Variants in PUM1 observed in about 807,000 individuals in gnomAD.
PUM1 encodes the protein pumilio homolog 1.
In PUM1, 13 loss-of-function variants were observed where a neutral mutation model predicts 131.8. The observed-to-expected ratio is 0.10, with a 90% CI of 0.06 to 0.16. The LOEUF is 0.16. PUM1 is among the 10% of genes least tolerant of loss of function. PUM1 has a pLI of 1.00. For missense variants in PUM1, 961 were observed against 1,512.4 expected (o/e 0.64, Z 6.05); for synonymous variants, 509 against 556.5 (o/e 0.91, Z 1.20).
At chr1:30,939,276 T>C (rs556758770) in intron 20 of PUM1, among the ~76,000 whole-genome samples, 1 of 152,226 alleles carries the variant, frequency 6.6e-6, no homozygotes, top group Non-Finnish European at 1.5e-5. Flanking sequence ...ATAGTCAAAC[T>C]ACAAACTTCT....
chr1:31,047,595 A>T (rs1019289575), intron 2 of PUM1, among the ~76,000 whole-genome samples: 1 of 152,250 alleles, frequency 6.6e-6, no homozygotes, highest in African/African-American at 2.4e-5. Flanking sequence ...ACACATGCAC[A>T]AAAGACATGT....
At chr1:30,982,445 C>G (rs1641391061) in intron 7 of PUM1, among the ~76,000 whole-genome samples, 1 of 152,180 alleles carries the variant, frequency 6.6e-6, no homozygotes, top group South Asian at 2.1e-4. Flanking sequence ...AATGGGCCTC[C>G]TTCCAAGGAG....
intron 1 of PUM1, among the ~76,000 whole-genome samples, chr1:31,060,361 T>C (rs1329201687): frequency 6.6e-6 from 1 of 151,706 alleles, no homozygotes; most frequent in Non-Finnish European, 1.5e-5. Context: ...CTCGGGAGGC[T>C]GAGGCAGGAG....
At chr1:31,018,902 A>G (rs370184658) in intron 3 of PUM1, among the ~76,000 whole-genome samples, 1 of 152,216 alleles carries the variant, frequency 6.6e-6, no homozygotes, top group South Asian at 2.1e-4. Context: ...ATAAAAACAC[A>G]AACAGATCCA....
intron 14 of PUM1, among the ~76,000 whole-genome samples, chr1:30,963,125 C>T (rs561384836): frequency 1.6e-4 from 24 of 152,242 alleles, no homozygotes; most frequent in Non-Finnish European, 2.8e-4. Flanking sequence ...TCCTGAGACA[C>T]GAAATAATAC....
intron 3 of PUM1, among the ~76,000 whole-genome samples, chr1:31,009,788 C>CAAAAACAAAAACAAAAACAGAAACAA (rs1642540359): frequency 1.0e-5 from 1 of 99,704 alleles, no homozygotes; most frequent in African/African-American, 3.4e-5. Flanking sequence ...AAAAAAAAAA[C>CAAAAACAAAAACAAAAACAGAAACAA]AAAAACAGAA....
At position 31,059,639 on chromosome 1, in the gene PUM1, A is replaced by G. The variant is rs1001463037; in HGVS notation, c.-11-62T>C. 1.1e-5 allele frequency: 17 copies of G among 1,501,776 alleles called. No individual in the cohort carries two copies. The African/African-American group carries it at 2.1e-4, about 19-fold the overall frequency. The allele number at this position is 1,501,776 out of a possible 1,614,324, so 93.0% of individuals were successfully genotyped here. ...ATCTTTTGAAACATAAAACACACTA[A>G]GATAAAAACATGAACCCCATGTCTT... On this transcript the variant is annotated intron_variant, in intron 1 of 21. Coordinates refer to ENST00000426105, the MANE Select transcript of PUM1 (RefSeq NM_001020658.2).
At chr1:31,011,287 A>G (rs1166743361) in intron 3 of PUM1, among the ~76,000 whole-genome samples, 1 of 152,286 alleles carries the variant, frequency 6.6e-6, no homozygotes, top group East Asian at 1.9e-4. Flanking sequence ...GTATTTTTGT[A>G]TATTTGAAAC....
chr1:30,971,787 G>A (rs996217594), intron 10 of PUM1, among the ~76,000 whole-genome samples: 6 of 152,146 alleles, frequency 3.9e-5, no homozygotes, highest in Non-Finnish European at 7.3e-5. Context: ...ACTTAACTCT[G>A]CACAGAAAGC....
chr1:31,001,271 G>A (rs1298864092), intron 5 of PUM1, among the ~76,000 whole-genome samples: 1 of 152,058 alleles, frequency 6.6e-6, no homozygotes, highest in Non-Finnish European at 1.5e-5. Context: ...GGGGAGGCAG[G>A]GGCACAAGAA....
At chr1:30,967,030 A>T in intron 12 of PUM1, 137 bp downstream of exon 12, 2 of 968,266 alleles carry the variant, frequency 2.1e-6, no homozygotes, top group Non-Finnish European at 1.4e-6. Context: ...ATTGCTTCTG[A>T]TCTCTTTTTG....
chr1:30,945,530 T>C (rs773972901), intron 17 of PUM1, 47 bp from the exon 18 acceptor site: 21 of 1,603,002 alleles, frequency 1.3e-5, no homozygotes, highest in South Asian at 1.1e-4. Context: ...CAAGCAAACA[T>C]GTGGACAAAT....
At chr1:30,955,110 CAAACAGAAAA>C (rs1403038769) in intron 14 of PUM1, among the ~76,000 whole-genome samples, 1 of 150,816 alleles carries the variant, frequency 6.6e-6, no homozygotes, top group Admixed American at 6.6e-5. Flanking sequence ...CAAAAACAAA[CAAACAGAAAA>C]AAACAGTATA....
intron 20 of PUM1, among the ~76,000 whole-genome samples, chr1:30,937,401 G>C (rs1003303173): frequency 2.6e-4 from 39 of 152,124 alleles, no homozygotes; most frequent in Admixed American, 1.2e-3. Context: ...AGCTACTTGG[G>C]AGGTTGAGGC....
At chr1:30,963,209 A>T (rs1640488729) in intron 14 of PUM1, among the ~76,000 whole-genome samples, 1 of 152,160 alleles carries the variant, frequency 6.6e-6, no homozygotes, top group South Asian at 2.1e-4. Flanking sequence ...GTCAGTGAAC[A>T]TTACTTCCTT....
At chr1:31,036,217 G>A (rs975657285) in intron 2 of PUM1, among the ~76,000 whole-genome samples, 5 of 152,050 alleles carry the variant, frequency 3.3e-5, no homozygotes, top group East Asian at 1.9e-4. Flanking sequence ...CTACGAGTGC[G>A]TGCCACTGCA....
chr1:30,949,730 T>C (rs919517273), intron 17 of PUM1, among the ~76,000 whole-genome samples: 1 of 152,054 alleles, frequency 6.6e-6, no homozygotes, highest in African/African-American at 2.4e-5. Context: ...CTTTGTTCAA[T>C]AGATGTTGGT....
chr1:30,936,573 T>C (rs769869616), intron 21 of PUM1, 70 bp downstream of exon 21: 31 of 1,420,294 alleles, frequency 2.2e-5, no homozygotes, highest in Middle Eastern at 1.8e-4. Context: ...GCACCCACCC[T>C]CCTTTGTGTT....
rs553167341 is a variant in PUM1, at chr1:30,945,287, G to A, written c.2994+59C>T. The A allele has an allele frequency of 1.4e-5, 22 of 1,582,168 alleles. No homozygotes were observed. In the East Asian group the frequency reaches 4.9e-4, roughly 35 times the overall value. The stretch of plus-strand genomic sequence containing the variant: ...GAGAACATGCCACAAATCCTACTCT[G>A]TTTTCTGCTCACAAAGGAAATAAAT... On this transcript the variant is annotated intron_variant, in intron 18 of 21. Transcript: ENST00000426105.
Sources: allele counts gnomAD v4.1 joint callset (sites outside exome capture counted in the v4.1 genomes callset), GRCh38; gene constraint gnomAD v4.1.1; transcripts MANE v1.5; gene names NCBI Gene and HGNC (gene_info 2026-07-23, HGNC 2026-07-21).